Variants in SOX5 observed in about 807,000 individuals in gnomAD.
SOX5 encodes SRY-box transcription factor 5.
A neutral mutation model predicts 92.0 loss-of-function variants in SOX5; 9 were observed. The ratio of observed to expected loss-of-function variants is 0.10; its 90% CI spans 0.06 to 0.17. SOX5 has a LOEUF of 0.17. Among genes scored for constraint, SOX5 ranks in the 10% least tolerant of loss-of-function variants. SOX5 has a pLI of 1.00. For synonymous variants in SOX5, 344 were observed against 336.3 expected, an observed-to-expected ratio of 1.02 and a Z score of -0.25; for missense variants, 642 against 944.5, an observed-to-expected ratio of 0.68 and a Z score of 4.20.
chr12:24,221,041 C>T (rs1009843997), intron 3 of SOX5, among the ~76,000 whole-genome samples: 1 of 152,184 alleles, frequency 6.6e-6, no homozygotes. Flanking sequence ...ACTTAGTTGT[C>T]TATGGTCCCA....
At chr12:23,859,700 T>G (rs2096733010) in intron 2 of SOX5, among the ~76,000 whole-genome samples, 1 of 152,176 alleles carries the variant, frequency 6.6e-6, no homozygotes, top group Non-Finnish European at 1.5e-5. Flanking sequence ...GCTGGTTTTG[T>G]GGCTCAGGTG....
intron 6 of SOX5, among the ~76,000 whole-genome samples, chr12:23,726,856 A>T (rs1004949076): frequency 1.3e-5 from 2 of 152,198 alleles, no homozygotes; most frequent in South Asian, 4.1e-4. Context: ...AATGTTCCCA[A>T]TGCTGAAGCC....
intron 4 of SOX5, among the ~76,000 whole-genome samples, chr12:24,033,802 G>A (rs1035678424): frequency 4.6e-5 from 7 of 152,040 alleles, no homozygotes; most frequent in Non-Finnish European, 8.8e-5. Flanking sequence ...ACTGCTAATA[G>A]CACAGTTGTA....
chr12:24,324,842 A>G (rs1339082606), intron 2 of SOX5, among the ~76,000 whole-genome samples: 1 of 152,188 alleles, frequency 6.6e-6, no homozygotes, highest in Non-Finnish European at 1.5e-5. Context: ...CCTGGGAGGT[A>G]GTCAATAAAG....
At chr12:23,722,093 G>A (rs1010106614) in intron 6 of SOX5, among the ~76,000 whole-genome samples, 5 of 152,184 alleles carry the variant, frequency 3.3e-5, no homozygotes, top group Non-Finnish European at 7.3e-5. Context: ...CCTAGAAAAT[G>A]TAAAGGATGA....
At chr12:23,970,841 A>ATATATATATATATTTTTTTTTT in intron 4 of SOX5, among the ~76,000 whole-genome samples, 1 of 21,878 alleles carries the variant, frequency 4.6e-5, no homozygotes, top group Admixed American at 7.7e-4. Context: ...TATATATATA[A>ATATATATATATATTTTTTTTTT]TTTTTTTTTT....
chr12:23,827,692 A>G (rs2096254379), intron 3 of SOX5, among the ~76,000 whole-genome samples: 1 of 152,230 alleles, frequency 6.6e-6, no homozygotes, highest in Admixed American at 6.5e-5. Context: ...TATGAGCTGC[A>G]TGCTCACATA....
intron 1 of SOX5, among the ~76,000 whole-genome samples, chr12:24,479,128 A>T (rs534804939): frequency 6.6e-6 from 1 of 152,234 alleles, no homozygotes; most frequent in East Asian, 1.9e-4. Flanking sequence ...ACATCCACAT[A>T]GTTCTCTCTA....
At chr12:24,434,205 G>A (rs1055030478) in intron 1 of SOX5, among the ~76,000 whole-genome samples, 1 of 152,110 alleles carries the variant, frequency 6.6e-6, no homozygotes, top group African/African-American at 2.4e-5. Flanking sequence ...GAGTGGCATC[G>A]TGATCACAAT....
At chr12:24,505,691 C>T (rs193137289) in intron 1 of SOX5, among the ~76,000 whole-genome samples, 2 of 152,294 alleles carry the variant, frequency 1.3e-5, no homozygotes, top group East Asian at 1.9e-4. Context: ...ATTTTATGGG[C>T]AATTATTACA....
chr12:24,377,776 G>A lies in SOX5; in HGVS notation c.-250-9137C>T, dbSNP rs558239174. On this transcript the variant is annotated intron_variant, in intron 1 of 4. Transcript: ENST00000446891. The stretch of plus-strand genomic sequence containing the variant: ...AGTCTGAGAAACAATAATACCTACT[G>A]CATGTGGTTGTTGGGATCCTCACAT... Among the ~76,000 whole-genome samples the A allele has an allele frequency of 2.0e-5, 3 of 152,262 alleles. No homozygotes were observed. The East Asian group carries it at 5.8e-4, about 29-fold the overall frequency.
chr12:23,742,637 T>C (rs1015295039), intron 4 of SOX5, among the ~76,000 whole-genome samples: 6 of 152,164 alleles, frequency 3.9e-5, no homozygotes, highest in Non-Finnish European at 7.4e-5. Flanking sequence ...ACACTAGGAA[T>C]ACCAATACAC....
At chr12:23,826,925 A>T (rs2096244069) in intron 3 of SOX5, among the ~76,000 whole-genome samples, 1 of 152,220 alleles carries the variant, frequency 6.6e-6, no homozygotes, top group Non-Finnish European at 1.5e-5. Context: ...CTTAACTATT[A>T]ACACAGTAAA....
intron 4 of SOX5, among the ~76,000 whole-genome samples, chr12:23,981,731 C>G (rs908246297): frequency 6.6e-6 from 1 of 151,988 alleles, no homozygotes; most frequent in African/African-American, 2.4e-5. Flanking sequence ...TTTTTATGTA[C>G]ATTTCATCAA....
At chr12:23,893,115 TTCA>T in intron 2 of SOX5, among the ~76,000 whole-genome samples, 1 of 152,292 alleles carries the variant, frequency 6.6e-6, no homozygotes, top group African/African-American at 2.4e-5. Flanking sequence ...GTGTAGGCAG[TTCA>T]TCGTTTTTTA....
chr12:23,846,528 C>G (rs16926772), intron 2 of SOX5, among the ~76,000 whole-genome samples: 2,835 of 152,254 alleles, frequency 0.019, 37 homozygotes, highest in Non-Finnish European at 0.028. Flanking sequence ...CTATACGAAG[C>G]CTATATTATT....
chr12:24,549,968 C>T (rs896934988), intron 1 of SOX5, among the ~76,000 whole-genome samples: 3 of 152,144 alleles, frequency 2.0e-5, no homozygotes, highest in Non-Finnish European at 4.4e-5. Context: ...ATGCAAGCAT[C>T]ATTTTGAGGG....
intron 3 of SOX5, among the ~76,000 whole-genome samples, chr12:23,804,237 G>T (rs1227869785): frequency 6.6e-6 from 1 of 151,918 alleles, no homozygotes; most frequent in Non-Finnish European, 1.5e-5. Flanking sequence ...CAGAAATATG[G>T]GTGGCTGCAT....
At chr12:24,041,057 C>G (rs1012840274) in intron 4 of SOX5, among the ~76,000 whole-genome samples, 1 of 152,054 alleles carries the variant, frequency 6.6e-6, no homozygotes, top group African/African-American at 2.4e-5. Flanking sequence ...TTTCTCTTTA[C>G]CAATAATCAA....
Sources: allele counts gnomAD v4.1 joint callset (sites outside exome capture counted in the v4.1 genomes callset), GRCh38; gene constraint gnomAD v4.1.1; transcripts MANE v1.5; gene names NCBI Gene and HGNC (gene_info 2026-07-23, HGNC 2026-07-21).